Variants in TUSC3 observed in about 807,000 individuals in gnomAD.
TUSC3 encodes dolichyl-diphosphooligosaccharide--protein glycosyltransferase subunit TUSC3.
Under a neutral mutation model 44.8 loss-of-function variants are expected in TUSC3, and 45 were observed. The ratio of observed to expected loss-of-function variants is 1.00; its 90% confidence interval spans 0.79 to 1.29. The LOEUF (loss-of-function observed/expected upper bound fraction) is 1.29, where lower values mean the gene tolerates loss of function less well. TUSC3 is among the 50% of genes most tolerant of loss of function. TUSC3 has a pLI of 0.00. For missense variants in TUSC3, 519 were observed against 437.9 expected (o/e 1.19, Z -1.65); for synonymous variants, 212 against 152.9 (o/e 1.39, Z -2.85).
intron 2 of TUSC3, among the ~76,000 whole-genome samples, chr8:15,504,132 G>C (rs1801013113): frequency 6.6e-6 from 1 of 152,078 alleles, no homozygotes; most frequent in South Asian, 2.1e-4. Flanking sequence ...AGAAAGCCAT[G>C]AATACAATAG....
intron 2 of TUSC3, among the ~76,000 whole-genome samples, chr8:15,635,614 T>C (rs1806030596): frequency 6.6e-6 from 1 of 151,796 alleles, no homozygotes; most frequent in Non-Finnish European, 1.5e-5. Context: ...ACAGTGAGAG[T>C]CGTAATAGTA....
Position 15,657,810 on chromosome 8 carries a change from G to A in TUSC3, c.427-1697G>A, listed in dbSNP as rs562198865. 2.7e-3 allele frequency among the ~76,000 whole-genome samples: 404 copies of A among 152,292 alleles called. 2 individuals carry two copies. Among genetic ancestry groups the A allele is most frequent in the African/African-American group, 9.4e-3 (389 of 41,550 alleles). On this transcript the variant is annotated intron_variant, in intron 3 of 10. Transcript: ENST00000503731. ...TTGTCTTAGTCCATTTTGGGCTGCT[G>A]TAACGGAATACCTGAGACTGGATAA... is the stretch of plus-strand genomic sequence containing the variant.
the TUSC3 span, among the ~76,000 whole-genome samples, chr8:15,800,830 C>T: frequency 6.6e-6 from 1 of 152,112 alleles, no homozygotes; most frequent in Non-Finnish European, 1.5e-5. Flanking sequence ...CCACAGTTTT[C>T]ATTGTCTTCT....
At chr8:15,592,537 C>G (rs1163923247) in intron 1 of TUSC3, among the ~76,000 whole-genome samples, 2 of 151,988 alleles carry the variant, frequency 1.3e-5, no homozygotes, top group African/African-American at 2.4e-5. Flanking sequence ...AGCCTGCCAC[C>G]TCCTCCTAAC....
At chr8:15,729,266 A>G (rs1344005296) in intron 6 of TUSC3, among the ~76,000 whole-genome samples, 2 of 152,150 alleles carry the variant, frequency 1.3e-5, no homozygotes, top group Non-Finnish European at 2.9e-5. Context: ...AGTTTTTACA[A>G]AGTTTTACTT....
intron 10 of TUSC3, chr8:15,758,368 CT>C (rs1408115977): frequency 1.0e-5 from 4 of 395,688 alleles, no homozygotes; most frequent in Non-Finnish European, 1.4e-5. Context: ...TATAAAATTA[CT>C]GTCAATTTTA....
At chr8:15,507,127 C>T (rs980709456) in intron 2 of TUSC3, among the ~76,000 whole-genome samples, 9 of 151,986 alleles carry the variant, frequency 5.9e-5, no homozygotes, top group Admixed American at 5.9e-4. Flanking sequence ...TTTTTTTGGC[C>T]AGCCTTCAGA....
chr8:15,455,970 C>T (rs942511060), intron 1 of TUSC3, among the ~76,000 whole-genome samples: 2 of 152,172 alleles, frequency 1.3e-5, no homozygotes, highest in African/African-American at 2.4e-5. Flanking sequence ...AAGACCTTTG[C>T]AGATTTTTTG....
intron 6 of TUSC3, among the ~76,000 whole-genome samples, chr8:15,700,290 G>C (rs1585244834): frequency 6.6e-6 from 1 of 152,122 alleles, no homozygotes; most frequent in Non-Finnish European, 1.5e-5. Context: ...TTTTCCCTCT[G>C]TGTAGCTCTG....
chr8:15,652,073 G>C (rs956768791), intron 3 of TUSC3, among the ~76,000 whole-genome samples: 2 of 152,160 alleles, frequency 1.3e-5, no homozygotes, highest in Non-Finnish European at 2.9e-5. Flanking sequence ...CAGAGCCCTA[G>C]CCTTAATCAT....
the TUSC3 span, among the ~76,000 whole-genome samples, chr8:15,777,563 A>G: frequency 6.6e-6 from 1 of 152,350 alleles, no homozygotes; most frequent in East Asian, 1.9e-4. Flanking sequence ...TGAAGCAGAT[A>G]TGAAGCATAT....
At chr8:15,752,619 A>AG (rs1432417118) in intron 9 of TUSC3, among the ~76,000 whole-genome samples, 1 of 152,126 alleles carries the variant, frequency 6.6e-6, no homozygotes, top group East Asian at 1.9e-4. Context: ...TTCATTTTAT[A>AG]GATGAGACCA....
chr8:15,844,871 A>G, the TUSC3 span, among the ~76,000 whole-genome samples: 2 of 152,302 alleles, frequency 1.3e-5, no homozygotes, highest in African/African-American at 4.8e-5. Context: ...GGCAGCATGA[A>G]TATGTGATAC....
At chr8:15,538,625 C>T (rs894474095), upstream of TUSC3, among the ~76,000 whole-genome samples, 8 of 152,076 alleles carry the variant, frequency 5.3e-5, no homozygotes, top group African/African-American at 1.9e-4. Context: ...GAAATTTCAG[C>T]ATCTGTGAAC....
chr8:15,841,374 CCTTT>C, the TUSC3 span, among the ~76,000 whole-genome samples: 5,059 of 152,172 alleles, frequency 0.033, 155 homozygotes, highest in Admixed American at 0.079. Context: ...AGTCCTCCTT[CCTTT>C]CTATTTGTAT....
intron 2 of TUSC3, among the ~76,000 whole-genome samples, chr8:15,491,426 T>C (rs1800807362): frequency 6.6e-6 from 1 of 152,070 alleles, no homozygotes; most frequent in Non-Finnish European, 1.5e-5. Context: ...CTTAGTGAGT[T>C]CAGGATCCCA....
intron 9 of TUSC3, among the ~76,000 whole-genome samples, chr8:15,751,359 G>C (rs1202573322): frequency 6.6e-6 from 1 of 152,078 alleles, no homozygotes; most frequent in Non-Finnish European, 1.5e-5. Context: ...AACTCAAATG[G>C]CTAATCTCTT....
chr8:15,427,957 C>CT, intron 1 of TUSC3, among the ~76,000 whole-genome samples: 1 of 146,262 alleles, frequency 6.8e-6, no homozygotes, highest in East Asian at 2.0e-4. Context: ...CAATTTTATT[C>CT]TTTTTTTAAA....
At chr8:15,445,569 A>G (rs895922005) in intron 1 of TUSC3, among the ~76,000 whole-genome samples, 1 of 152,168 alleles carries the variant, frequency 6.6e-6, no homozygotes, top group Admixed American at 6.5e-5. Context: ...CACATCTTGC[A>G]CCGCCCTTAA....
Sources: gnomAD v4.1 joint callset for allele counts (sites outside exome capture counted in the v4.1 genomes callset) on GRCh38, gnomAD v4.1.1 for gene constraint, MANE v1.5 for transcripts, NCBI Gene and HGNC (gene_info 2026-07-23, HGNC 2026-07-21) for gene names.